Variants in SLC39A12 observed in about 807,000 individuals in gnomAD.
The protein encoded by SLC39A12 is zinc transporter ZIP12.
In SLC39A12, 63 loss-of-function variants were observed where a neutral mutation model predicts 71.1. That is an observed-to-expected ratio of 0.89 (90% CI 0.72 to 1.09). The LOEUF (loss-of-function observed/expected upper bound fraction) is 1.09. SLC39A12 is among the 50% of genes least tolerant of loss of function. The pLI is 0.00. For missense variants in SLC39A12, 892 were observed against 812.6 expected (o/e 1.10, Z -1.19); for synonymous variants, 351 against 301.3 (o/e 1.16, Z -1.71).
chr10:18,000,679 G>T lies in SLC39A12; in HGVS notation c.1613G>T (p.Ser538Ile), dbSNP rs1479112084. 10 of 1,614,182 alleles carry T rather than the reference G, an allele frequency of 6.2e-6. No homozygotes were observed. Among genetic ancestry groups the T allele is most frequent in the Non-Finnish European group, 8.5e-6 (10 of 1,180,014 alleles). Residue 538 changes from serine to isoleucine, a missense_variant, in exon 11 of 13, where the codon AGC becomes ATC. Physicochemically the swap from Ser to Ile is moderately radical, Grantham distance 142. Transcript: ENST00000377369. ...TTTGGTTCCTTAGGTAAAGCCATTA[G>T]CTTGTTAGCAATCATGATTCTGGTT... ...TASNRKCKAI[S>I]LLAIMILVGD...
intron 12 of SLC39A12, among the ~76,000 whole-genome samples, chr10:18,035,189 T>C (rs1233417628): frequency 1.3e-5 from 2 of 149,432 alleles, no homozygotes; most frequent in Non-Finnish European, 3.0e-5. Context: ...ATCTGAATGT[T>C]GGCCTGCCTT....
intron 12 of SLC39A12, among the ~76,000 whole-genome samples, chr10:18,038,818 A>G (rs1340870298): frequency 6.6e-6 from 1 of 152,194 alleles, no homozygotes; most frequent in Non-Finnish European, 1.5e-5. Context: ...ACCCAAATCT[A>G]GGGTCTACTT....
chr10:18,019,707 G>A (rs915967189), intron 12 of SLC39A12, among the ~76,000 whole-genome samples: 21 of 151,772 alleles, frequency 1.4e-4, no homozygotes, highest in Admixed American at 2.6e-4. Flanking sequence ...AGTTCTTTTG[G>A]TATTTTCCAG....
chr10:18,037,364 T>A (rs1243149475), intron 12 of SLC39A12, among the ~76,000 whole-genome samples: 2 of 152,178 alleles, frequency 1.3e-5, no homozygotes, highest in African/African-American at 4.8e-5. Flanking sequence ...CAATTCGCCC[T>A]TGGTCATAAT....
intron 12 of SLC39A12, among the ~76,000 whole-genome samples, chr10:18,016,150 G>T (rs536145335): frequency 6.6e-6 from 1 of 152,214 alleles, no homozygotes; most frequent in East Asian, 1.9e-4. Flanking sequence ...GTATCATACG[G>T]AATAGTTGCA....
chr10:17,973,091 A>T (rs1244695959), intron 4 of SLC39A12, among the ~76,000 whole-genome samples: 2 of 152,110 alleles, frequency 1.3e-5, no homozygotes, highest in Non-Finnish European at 2.9e-5. Context: ...TGTTTGTATA[A>T]ACAAAAACCA....
At chr10:18,040,441 G>A (rs1369772356) in intron 12 of SLC39A12, among the ~76,000 whole-genome samples, 5 of 152,058 alleles carry the variant, frequency 3.3e-5, no homozygotes, top group African/African-American at 1.2e-4. Context: ...ATCTCAAACA[G>A]AGCATTCAGG....
intron 12 of SLC39A12, among the ~76,000 whole-genome samples, chr10:18,010,893 C>T (rs1004000908): frequency 3.3e-5 from 5 of 152,152 alleles, no homozygotes; most frequent in African/African-American, 4.8e-5. Flanking sequence ...CCTCCTCCTC[C>T]GTCCCTTCAA....
chr10:18,016,772 A>G lies in SLC39A12; in HGVS notation c.1947+13414A>G, dbSNP rs897503379. Among the ~76,000 whole-genome samples the G allele has an allele frequency of 1.3e-5, 2 of 152,158 alleles. 1 individual carries two copies. The highest frequency in any genetic ancestry group is 2.9e-5 in the Non-Finnish European group (2 of 68,026). On this transcript the variant is annotated intron_variant, in intron 12 of 12. Coordinates refer to ENST00000377369, the MANE Select transcript of SLC39A12 (RefSeq NM_001145195.2). ...TATGGAGGTATTTCATTGTTGCTGT[A>G]ATTTGCAATTCACTAATAATATAAA...
At chr10:17,975,447 A>G (rs1286584096) in intron 4 of SLC39A12, among the ~76,000 whole-genome samples, 1 of 152,138 alleles carries the variant, frequency 6.6e-6, no homozygotes, top group African/African-American at 2.4e-5. Context: ...GGCCCAGGGC[A>G]TGTCTAGAAA....
chr10:18,015,857 A>G (rs1009741752), intron 12 of SLC39A12, among the ~76,000 whole-genome samples: 23 of 152,058 alleles, frequency 1.5e-4, no homozygotes, highest in African/African-American at 5.5e-4. Flanking sequence ...GGCTAGCATG[A>G]CTGAAAAATG....
At chr10:17,987,861 TA>T (rs1330112167) in intron 7 of SLC39A12, among the ~76,000 whole-genome samples, 6 of 152,008 alleles carry the variant, frequency 3.9e-5, no homozygotes, top group Admixed American at 1.3e-4. Flanking sequence ...CACATAGTAG[TA>T]GTATTTTTGA....
chr10:17,977,114 C>T (rs1835130188), intron 4 of SLC39A12, among the ~76,000 whole-genome samples: 1 of 151,900 alleles, frequency 6.6e-6, no homozygotes, highest in African/African-American at 2.4e-5. Flanking sequence ...CTTATTGTCT[C>T]GATATTCTTA....
chr10:17,983,551 A>G (rs1835324947), intron 6 of SLC39A12, among the ~76,000 whole-genome samples: 1 of 152,112 alleles, frequency 6.6e-6, no homozygotes, highest in African/African-American at 2.4e-5. Context: ...TGGGAGGCCA[A>G]GGTGGGCAGC....
rs79765634 is a variant in SLC39A12, at chr10:17,987,864, T to C, written c.1269+213T>C. 2.9e-3 allele frequency among the ~76,000 whole-genome samples: 441 copies of C among 152,222 alleles called. 9 individuals carry two copies. Among genetic ancestry groups the C allele is most frequent in the Admixed American group, 0.02 (312 of 15,290 alleles). ...CATTAGGCTCGCCACATAGTAGTAG[T>C]ATTTTTGAAATAAAACAAAGGAAAG... On this transcript the variant is annotated intron_variant, in intron 7 of 12. Coordinates refer to ENST00000377369, the MANE Select transcript of SLC39A12 (RefSeq NM_001145195.2).
chr10:17,953,318 G>A lies in SLC39A12; in HGVS notation c.42G>A (p.Leu14=), dbSNP rs774262268. The stretch of plus-strand genomic sequence containing the variant: ...AGCTCTCAGTATCCTGGGTGCCATT[G>A]TTTCTTCTACTCAGCCGTGTTTTTT... ...RTKLSVSWVP[L]FLLLSRVFST... is the part of the protein sequence containing the mutation. The change falls in exon 2 of 13, where the codon TTG becomes TTA. Residue 14 remains leucine, a synonymous_variant. Transcript: ENST00000377369. 6.2e-7 allele frequency: 1 copy of A among 1,614,182 alleles called. No individual in the cohort carries two copies.
chr10:18,002,807 T>G (rs1364063191), intron 11 of SLC39A12: 1 of 165,192 alleles, frequency 6.1e-6, no homozygotes, highest in African/African-American at 2.4e-5. Context: ...TGATTTCACC[T>G]GGCAAATTTC....
At chr10:18,009,407 T>C (rs549804725) in intron 12 of SLC39A12, among the ~76,000 whole-genome samples, 1 of 152,292 alleles carries the variant, frequency 6.6e-6, no homozygotes, top group East Asian at 1.9e-4. Context: ...CCTCCAGGTG[T>C]ATCCAAGGCA....
In SLC39A12 at chr10:17,977,990, C is replaced by G. The variant is rs1432572044; in HGVS notation, c.840C>G (p.Asn280Lys). 1.9e-6 allele frequency: 3 copies of G among 1,610,750 alleles called. No homozygotes were observed. Among genetic ancestry groups the G allele is most frequent in the Middle Eastern group, 3.3e-4 (2 of 6,070 alleles). ...KIHQFQRKQN[N>K]IITHDQDYSN... ...ATCAATTTCAAAGGAAACAAAACAA[C>G]ATAATAACCCATGATCAGGACTATT... is the stretch of plus-strand genomic sequence containing the variant. Residue 280 changes from asparagine to lysine, a missense_variant, in exon 5 of 13, where the codon AAC becomes AAG. Transcript: ENST00000377369.
Sources: gnomAD v4.1 joint callset for allele counts (sites outside exome capture counted in the v4.1 genomes callset) on GRCh38, gnomAD v4.1.1 for gene constraint, MANE v1.5 for transcripts, NCBI Gene and HGNC (gene_info 2026-07-23, HGNC 2026-07-21) for gene names.